Variants in SH3PXD2A observed in about 807,000 individuals in gnomAD.
The protein encoded by SH3PXD2A is SH3 and PX domain-containing protein 2A.
SH3PXD2A carries 32 observed loss-of-function variants against 115.2 expected under a neutral mutation model. That is an observed-to-expected ratio of 0.28 (90% CI 0.21 to 0.37). The LOEUF is 0.37. Ranked by LOEUF, SH3PXD2A falls within the 10% of genes least tolerant of loss-of-function variation. The probability of loss-of-function intolerance (pLI) is 1.00; values close to 1 mark genes in which losing one functional copy is unlikely to be tolerated. For missense variants in SH3PXD2A, 1,328 were observed against 1,498.7 expected (o/e 0.89, Z 1.88); for synonymous variants, 610 against 629.1 (o/e 0.97, Z 0.45).
At chr10:103,761,010 C>A (rs1177104085) in intron 3 of SH3PXD2A, among the ~76,000 whole-genome samples, 1 of 152,144 alleles carries the variant, frequency 6.6e-6, no homozygotes, top group Non-Finnish European at 1.5e-5. Context: ...CTGGAATATG[C>A]CTTTTTGTTG....
chr10:103,628,636 C>T (rs147268566), intron 8 of SH3PXD2A, among the ~76,000 whole-genome samples: 27 of 152,192 alleles, frequency 1.8e-4, no homozygotes, highest in Admixed American at 7.8e-4. Flanking sequence ...GGATCACTTC[C>T]GGAGAACCCC....
intron 8 of SH3PXD2A, among the ~76,000 whole-genome samples, chr10:103,641,992 C>T (rs566191521): frequency 4.6e-5 from 7 of 152,280 alleles, no homozygotes; most frequent in South Asian, 4.1e-4. Context: ...CCTTGACTTA[C>T]AGTGGGGTTA....
intron 2 of SH3PXD2A, among the ~76,000 whole-genome samples, chr10:103,774,194 AAGTC>A (rs2038857040): frequency 6.6e-6 from 1 of 152,236 alleles, no homozygotes; most frequent in Non-Finnish European, 1.5e-5. Context: ...TGTTACATGT[AAGTC>A]AGAAGACTGC....
chr10:103,635,528 G>A (rs1741164747), intron 8 of SH3PXD2A, among the ~76,000 whole-genome samples: 2 of 152,208 alleles, frequency 1.3e-5, no homozygotes, highest in African/African-American at 4.8e-5. Flanking sequence ...GGCCAGGGGA[G>A]GGGCTACCAT....
chr10:103,728,988 G>C (rs2019970), intron 4 of SH3PXD2A, among the ~76,000 whole-genome samples: 43,356 of 150,880 alleles, frequency 0.29, 7,015 homozygotes, highest in African/African-American at 0.43. Context: ...CCCCTCGCCG[G>C]GTTCAAGCGA....
intron 4 of SH3PXD2A, among the ~76,000 whole-genome samples, chr10:103,728,885 G>GGTT (rs2038277379): frequency 1.0e-5 from 1 of 99,144 alleles, no homozygotes; most frequent in Non-Finnish European, 2.0e-5. Flanking sequence ...TGTTTTTTTT[G>GGTT]TTTGTTTGTT....
chr10:103,820,000 A>G (rs1285602106), intron 1 of SH3PXD2A, among the ~76,000 whole-genome samples: 1 of 152,140 alleles, frequency 6.6e-6, no homozygotes, highest in African/African-American at 2.4e-5. Flanking sequence ...CTGGAGGGGC[A>G]CAGGGTGCTT....
chr10:103,808,791 A>G (rs1328679054), intron 1 of SH3PXD2A, among the ~76,000 whole-genome samples: 1 of 152,110 alleles, frequency 6.6e-6, no homozygotes, highest in Non-Finnish European at 1.5e-5. Flanking sequence ...TCTTCCTCCC[A>G]GGTCTCCCTA....
At chr10:103,781,835 C>G (rs1398410990) in intron 2 of SH3PXD2A, among the ~76,000 whole-genome samples, 3 of 152,194 alleles carry the variant, frequency 2.0e-5, no homozygotes, top group Non-Finnish European at 4.4e-5. Context: ...ATGGGCCACA[C>G]CTCAAGATCC....
intron 5 of SH3PXD2A, among the ~76,000 whole-genome samples, chr10:103,694,070 C>T (rs2037795901): frequency 6.6e-6 from 1 of 152,204 alleles, no homozygotes; most frequent in Non-Finnish European, 1.5e-5. Flanking sequence ...GAAAGGTGAG[C>T]TGGCTCCCTT....
At chr10:103,636,231 AC>A (rs1229434112) in intron 8 of SH3PXD2A, among the ~76,000 whole-genome samples, 1 of 151,954 alleles carries the variant, frequency 6.6e-6, no homozygotes, top group Non-Finnish European at 1.5e-5. Flanking sequence ...ACATAGTGAA[AC>A]CCCGTCTCTA....
At chr10:103,738,328 G>A (rs776741662) in intron 3 of SH3PXD2A, among the ~76,000 whole-genome samples, 1 of 152,226 alleles carries the variant, frequency 6.6e-6, no homozygotes, top group Non-Finnish European at 1.5e-5. Flanking sequence ...CCTGTCGCTT[G>A]ATTGCTCACA....
intron 2 of SH3PXD2A, among the ~76,000 whole-genome samples, chr10:103,792,428 C>A (rs1291562019): frequency 6.6e-6 from 1 of 152,096 alleles, no homozygotes; most frequent in African/African-American, 2.4e-5. Flanking sequence ...GGCTCTCTGG[C>A]TTTTTGGAGT....
At chr10:103,796,736 G>A (rs2039093285) in intron 2 of SH3PXD2A, among the ~76,000 whole-genome samples, 1 of 152,130 alleles carries the variant, frequency 6.6e-6, no homozygotes, top group South Asian at 2.1e-4. Flanking sequence ...CTCACACTCA[G>A]CCAGGCTGGG....
intron 3 of SH3PXD2A, among the ~76,000 whole-genome samples, chr10:103,750,986 A>G (rs2067560): frequency 0.24 from 36,876 of 152,080 alleles, 4,906 homozygotes; most frequent in African/African-American, 0.33. Context: ...GCAGAACACC[A>G]CAGCGGGAAA....
intron 2 of SH3PXD2A, among the ~76,000 whole-genome samples, chr10:103,798,718 C>T (rs549517820): frequency 3.3e-5 from 5 of 152,310 alleles, no homozygotes; most frequent in Admixed American, 6.5e-5. Context: ...CTGAGAGCTG[C>T]CCCTGGGCCA....
chr10:103,790,401 G>A (rs756325051), intron 2 of SH3PXD2A, among the ~76,000 whole-genome samples: 3 of 151,996 alleles, frequency 2.0e-5, no homozygotes, highest in South Asian at 4.2e-4. Context: ...TGATCCACCC[G>A]CCTCGGCCTC....
rs770273704 is a variant in SH3PXD2A, at chr10:103,666,314, T to C, written c.472+2294A>G. Among the ~76,000 whole-genome samples the C allele has an allele frequency of 1.3e-5, 2 of 152,234 alleles. No homozygotes were observed. Among genetic ancestry groups the C allele is most frequent in the Non-Finnish European group, 2.9e-5 (2 of 68,034 alleles). On this transcript the variant is annotated intron_variant, in intron 7 of 14. Transcript: ENST00000369774. This position sits in a 1 kb window ranked among gnomAD's most constrained non-coding sequence, Gnocchi z 4.5. ...CTTCTTACTTTCCAAGTCTGTGCTC[T>C]AGCTGCTGCCCCCTGCTGGAATGCT...
At chr10:103,623,275 T>TC in intron 9 of SH3PXD2A, among the ~76,000 whole-genome samples, 1 of 147,850 alleles carries the variant, frequency 6.8e-6, no homozygotes, top group East Asian at 2.0e-4. Flanking sequence ...AGGGGCCCCC[T>TC]CCCCAGCTTC....
Sources: gnomAD v4.1 joint callset for allele counts (sites outside exome capture counted in the v4.1 genomes callset) on GRCh38, gnomAD v4.1.1 for gene constraint, Gnocchi (gnomAD v3.1) non-coding constraint, MANE v1.5 for transcripts, NCBI Gene and HGNC (gene_info 2026-07-23, HGNC 2026-07-21) for gene names.